Variants in PSMD11 observed in about 807,000 individuals in gnomAD.
PSMD11 encodes the protein proteasome 26S subunit, non-ATPase 11.
Under a neutral mutation model 62.3 loss-of-function variants are expected in PSMD11, and 5 were observed. That is an observed-to-expected ratio of 0.08 (90% CI 0.04 to 0.17). The LOEUF is 0.17. Ranked by LOEUF, PSMD11 falls within the 10% of genes least tolerant of loss-of-function variation. The pLI is 1.00. For synonymous variants in PSMD11, 191 were observed against 191.8 expected (o/e 1.00, Z 0.03); for missense variants, 310 against 512.9 (o/e 0.60, Z 3.82).
chr17:32,453,878 T>G (rs1395155479), intron 2 of PSMD11, among the ~76,000 whole-genome samples: 1 of 152,176 alleles, frequency 6.6e-6, no homozygotes, highest in Non-Finnish European at 1.5e-5. Context: ...TTTTGAAGAT[T>G]AATGAGGAAT....
At chr17:32,448,378 A>G (rs760716643) in intron 2 of PSMD11, among the ~76,000 whole-genome samples, 1 of 149,698 alleles carries the variant, frequency 6.7e-6, no homozygotes, top group Non-Finnish European at 1.5e-5. Flanking sequence ...AATTATTATT[A>G]TTTTTGAGAC....
At chr17:32,468,869 A>G in intron 5 of PSMD11, 130 bp from the exon 6 acceptor site, 1 of 807,092 alleles carries the variant, frequency 1.2e-6, no homozygotes, top group Non-Finnish European at 1.8e-6. Flanking sequence ...CATGGGGTCT[A>G]GAGGTAACCT....
rs747173516 is a variant in PSMD11 at position 32,447,067 on chromosome 17, G to A, written c.193+21G>A. 14 of 1,537,286 alleles carry A rather than the reference G, an allele frequency of 9.1e-6. No homozygotes were observed. In the Admixed American group the frequency reaches 2.5e-4, roughly 27 times the overall value. ...TGCAGGTAAGTGCTACACATGGATT[G>A]TATCTGAAATGCTCAGTGAAATTCC... On this transcript the variant is annotated intron_variant, in intron 2 of 13. Transcript: ENST00000261712.
Position 32,464,501 on chromosome 17 carries a change from A to G in PSMD11, c.391-20A>G, listed in dbSNP as rs183553642. On this transcript the variant is annotated intron_variant, in intron 4 of 13. Transcript: ENST00000261712. ...TGGCTTTTTCCCCCCCCTTCAATCA[A>G]TGCCTTTTCTCTTTCCTAGGCAAGA... The G allele has an allele frequency of 1.2e-4, 185 of 1,577,802 alleles. No individual in the cohort carries two copies. Among genetic ancestry groups the G allele is most frequent in the Non-Finnish European group, 8.6e-5 (99 of 1,156,310 alleles).
intron 2 of PSMD11, among the ~76,000 whole-genome samples, chr17:32,451,465 C>G (rs117117721): frequency 6.6e-6 from 1 of 152,154 alleles, no homozygotes; most frequent in Admixed American, 6.5e-5. Context: ...AACTATAGAG[C>G]CATATATTAT....
chr17:32,480,366 G>A, intron 12 of PSMD11, 123 bp from the exon 13 acceptor site: 1 of 1,458,284 alleles, frequency 6.9e-7, no homozygotes, highest in Non-Finnish European at 9.5e-7. Flanking sequence ...CATGGAATAG[G>A]GAGATGAATT....
At chr17:32,448,137 C>T (rs559133053) in intron 2 of PSMD11, among the ~76,000 whole-genome samples, 3 of 151,852 alleles carry the variant, frequency 2.0e-5, no homozygotes, top group Non-Finnish European at 2.9e-5. Flanking sequence ...CCTCGGCCTC[C>T]GAAAGTGCTG....
chr17:32,450,328 C>T (rs897971729), intron 2 of PSMD11, among the ~76,000 whole-genome samples: 2 of 148,962 alleles, frequency 1.3e-5, no homozygotes, highest in African/African-American at 2.5e-5. Context: ...GATCTCGGCT[C>T]ACTGCAACTT....
chr17:32,463,968 A>G, intron 3 of PSMD11, 81 bp from the exon 4 acceptor site: 1 of 1,237,342 alleles, frequency 8.1e-7, no homozygotes, highest in Non-Finnish European at 1.2e-6. Flanking sequence ...TAAGGAGGGA[A>G]TTTAAGCTGT....
intron 2 of PSMD11, among the ~76,000 whole-genome samples, chr17:32,452,615 T>G (rs2150829827): frequency 6.6e-6 from 1 of 152,326 alleles, no homozygotes; most frequent in East Asian, 1.9e-4. Flanking sequence ...CTTAAAGTAT[T>G]TTTCAAAACA....
intron 9 of PSMD11, among the ~76,000 whole-genome samples, chr17:32,478,573 G>A (rs1357098129): frequency 6.6e-6 from 1 of 152,108 alleles, no homozygotes; most frequent in East Asian, 1.9e-4. Context: ...AAATACTAGG[G>A]CTAAACAAAA....
At position 32,456,821 on chromosome 17, in the gene PSMD11, G is replaced by A. The variant is rs1485689854; in HGVS notation, c.318+2202G>A. 2.6e-5 allele frequency among the ~76,000 whole-genome samples: 4 copies of A among 152,164 alleles called. 1 individual carries two copies. In the South Asian group the frequency reaches 8.3e-4, roughly 31 times the overall value. ...GCTGGGATTACCGGCGTGAGCCACC[G>A]TGCCTGGCCCTAATTTTGTATTTTT... On this transcript the variant is annotated intron_variant, in intron 3 of 13. Coordinates refer to ENST00000261712, the MANE Select transcript of PSMD11 (RefSeq NM_002815.4).
intron 3 of PSMD11, among the ~76,000 whole-genome samples, chr17:32,456,894 T>A (rs922236867): frequency 2.6e-5 from 4 of 152,120 alleles, no homozygotes; most frequent in African/African-American, 7.2e-5. Flanking sequence ...TTTGAACTCC[T>A]GACCTCAGAT....
chr17:32,446,909 C>A lies in PSMD11; in HGVS notation c.92-36C>A. ...TTTCCCTCAGTCTTCATTTTTTGGT[C>A]AGAATTTTAAGAGGGTTTGCATTTT... On this transcript the variant is annotated intron_variant, in intron 1 of 13. Transcript: ENST00000261712. The A allele has an allele frequency of 3.4e-6, 5 of 1,475,034 alleles. No individual in the cohort carries two copies. In the South Asian group the frequency reaches 3.5e-5, roughly 10 times the overall value. 91.4% of individuals were successfully genotyped at this position (1,475,034 alleles called of 1,614,324 possible).
chr17:32,450,841 T>G (rs988343324), intron 2 of PSMD11, among the ~76,000 whole-genome samples: 7 of 151,944 alleles, frequency 4.6e-5, no homozygotes, highest in Non-Finnish European at 8.8e-5. Flanking sequence ...GAGGATTGCT[T>G]GAAGCCAGGA....
In PSMD11 at chr17:32,482,358, A is replaced by C. The variant is rs1185064244; in HGVS notation, c.*1606A>C. ...TGATGTTCAGATGAGTTCCAATAAA[A>C]ATAATTTTTTTTTTTTTCAAAAGGT... On this transcript the variant is annotated 3_prime_UTR_variant, in exon 14 of 14. Coordinates refer to ENST00000261712, the MANE Select transcript of PSMD11 (RefSeq NM_002815.4). 1 of 151,644 alleles carries C rather than the reference A, an allele frequency of 6.6e-6. No individual in the cohort carries two copies. The highest frequency in any genetic ancestry group is 1.5e-5 in the Non-Finnish European group (1 of 68,052). 9.4% of individuals were successfully genotyped at this position (151,644 alleles called of 1,614,324 possible). A position where few individuals can be genotyped will look rare whatever the true frequency, so the allele number is the denominator to read the frequency against.
chr17:32,452,801 G>A (rs1037217529), intron 2 of PSMD11, among the ~76,000 whole-genome samples: 15 of 152,116 alleles, frequency 9.9e-5, no homozygotes, highest in Admixed American at 7.9e-4. Context: ...ACCCTACCTG[G>A]AGCAATCGTT....
At chr17:32,474,069 A>G in intron 7 of PSMD11, 124 bp downstream of exon 7, 1 of 1,211,598 alleles carries the variant, frequency 8.3e-7, no homozygotes, top group Admixed American at 2.0e-5. Flanking sequence ...TGCGGCCTCT[A>G]GGGCTGGCTA....
chr17:32,468,857 T>C, intron 5 of PSMD11, 142 bp from the exon 6 acceptor site: 2 of 628,954 alleles, frequency 3.2e-6, no homozygotes, highest in Non-Finnish European at 4.9e-6. Context: ...ATTTAATTAT[T>C]GCATGGGGTC....
Sources: gnomAD v4.1 joint callset for allele counts (sites outside exome capture counted in the v4.1 genomes callset) on GRCh38, gnomAD v4.1.1 for gene constraint, MANE v1.5 for transcripts, NCBI Gene and HGNC (gene_info 2026-07-23, HGNC 2026-07-21) for gene names.